Variants in MYO10 observed in about 807,000 individuals in gnomAD.
MYO10 encodes myosin X.
Under a neutral mutation model 257.3 loss-of-function variants are expected in MYO10, and 133 were observed. The observed-to-expected ratio is 0.52, with a 90% CI of 0.45 to 0.60. The LOEUF is 0.60. MYO10 is among the 20% of genes least tolerant of loss of function. The pLI is 0.00. For missense variants in MYO10, 2,399 were observed against 2,635.7 expected, an observed-to-expected ratio of 0.91 and a Z score of 1.97; for synonymous variants, 1,104 against 1,028.6, an observed-to-expected ratio of 1.07 and a Z score of -1.40.
At chr5:16,790,773 A>C (rs927036697) in intron 4 of MYO10, among the ~76,000 whole-genome samples, 2 of 152,118 alleles carry the variant, frequency 1.3e-5, no homozygotes, top group South Asian at 2.1e-4. Context: ...ACACCATAAT[A>C]AACTAAACCC....
In MYO10 at chr5:16,663,324, AGTT is replaced by A. The variant is rs1175971411; in HGVS notation, c.*3365_*3367del. On this transcript the variant is annotated 3_prime_UTR_variant, in exon 41 of 41. Transcript: ENST00000513610. ...TGGAAAAAAGTAACATTTTACTTCTAGTTGTTTTTTTTTTTTTTTTTTTTTTTT... is the reference window on the plus strand; with the variant it reads ...TGGAAAAAAGTAACATTTTACTTCTAGTTTTTTTTTTTTTTTTTTTTTTTT... 5.9e-4 allele frequency: 36 copies of A among 61,496 alleles called. No homozygotes were observed. The highest frequency in any genetic ancestry group is 9.7e-4 in the South Asian group (2 of 2,054). 3.8% of individuals were successfully genotyped at this position (61,496 alleles called of 1,614,324 possible).
intron 38 of MYO10, 101 bp from the exon 39 acceptor site, chr5:16,671,079 C>T (rs1366397348): frequency 1.8e-6 from 2 of 1,126,384 alleles, no homozygotes; most frequent in African/African-American, 1.6e-5. Context: ...CTCTCAAACT[C>T]ACCTTCCCTG....
intron 19 of MYO10, among the ~76,000 whole-genome samples, chr5:16,733,244 A>G (rs1439306005): frequency 6.6e-6 from 1 of 152,216 alleles, no homozygotes; most frequent in Non-Finnish European, 1.5e-5. Context: ...AAAGACCACA[A>G]GGTCATCAGA....
intron 2 of MYO10, among the ~76,000 whole-genome samples, chr5:16,839,473 G>A (rs1374615286): frequency 1.3e-5 from 2 of 152,218 alleles, no homozygotes; most frequent in African/African-American, 4.8e-5. Context: ...GCCAGGTGCA[G>A]TGGCTCACAC....
chr5:16,671,691 TAAACAGAGTGAAA>T, intron 37 of MYO10, 149 bp from the exon 38 acceptor site: 1 of 1,017,746 alleles, frequency 9.8e-7, no homozygotes, highest in East Asian at 2.6e-5. Context: ...GATAGAGGAA[TAAACAGAGTGAAA>T]AAACGTACTT....
intron 2 of MYO10, among the ~76,000 whole-genome samples, chr5:16,841,856 G>A (rs189830448): frequency 6.6e-6 from 1 of 152,244 alleles, no homozygotes; most frequent in African/African-American, 2.4e-5. Context: ...GGACTCTGGA[G>A]GGCTCGAGGG....
Position 16,777,839 on chromosome 5 carries a change from C to CCTTTTTTTTTTTTTTTTT in MYO10, c.930+1705_930+1706insAAAAAAAAAAAAAAAAAG, listed in dbSNP as rs1560979466. Among the ~76,000 whole-genome samples the CCTTTTTTTTTTTTTTTTT allele has an allele frequency of 6.3e-4, 56 of 88,472 alleles. 6 individuals carry two copies. The highest frequency in any genetic ancestry group is 1.4e-3 in the African/African-American group (26 of 18,648). 58.0% of individuals were successfully genotyped at this position (88,472 alleles called of 152,430 possible). On this transcript the variant is annotated intron_variant, in intron 9 of 40. Transcript: ENST00000513610. ...GCCACCCTAGGTGCATTGCATCTAA[C>CCTTTTTTTTTTTTTTTTT]TTTTTTTTTTTTTTTTTTTTTTTTT...
At chr5:16,878,241 T>C (rs1744660388) in intron 1 of MYO10, among the ~76,000 whole-genome samples, 1 of 152,192 alleles carries the variant, frequency 6.6e-6, no homozygotes, top group African/African-American at 2.4e-5. Flanking sequence ...TGGAGGACAT[T>C]AGACCACTCC....
intron 3 of MYO10, among the ~76,000 whole-genome samples, chr5:16,815,997 G>A (rs995370834): frequency 1.3e-5 from 2 of 150,272 alleles, no homozygotes; most frequent in Non-Finnish European, 2.9e-5. Context: ...AAAACATTTG[G>A]CAAACATTAG....
intron 2 of MYO10, among the ~76,000 whole-genome samples, chr5:16,860,760 G>GTGGAGGGGTGGATGGACGGA (rs372198986): frequency 0.022 from 3,397 of 151,958 alleles, 121 homozygotes; most frequent in African/African-American, 0.076. Flanking sequence ...CGATGGGTGG[G>GTGGAGGGGTGGATGGACGGA]TGGAGGGGTG....
intron 2 of MYO10, among the ~76,000 whole-genome samples, chr5:16,834,234 G>A (rs1200539745): frequency 6.6e-6 from 1 of 152,082 alleles, no homozygotes; most frequent in African/African-American, 2.4e-5. Flanking sequence ...AAACCTCTCA[G>A]GTCACTTACA....
intron 3 of MYO10, chr5:16,815,238 G>C (rs1742569005): frequency 4.0e-6 from 2 of 496,120 alleles, no homozygotes. Flanking sequence ...AGCATCCCTT[G>C]TGTGAAATGC....
rs888689382 is a variant in MYO10, at chr5:16,890,408, A to T, written c.22-12701T>A. On this transcript the variant is annotated intron_variant, in intron 1 of 40. Transcript: ENST00000513610. ...GTAAATACCCCAGAGACGTGAAAAC[A>T]TATGTCCACACGAAAACTTGTACAC... is the stretch of plus-strand genomic sequence containing the variant. Among the ~76,000 whole-genome samples, 10 of 151,904 alleles carry T rather than the reference A, an allele frequency of 6.6e-5. 1 individual carries two copies. Among genetic ancestry groups the T allele is most frequent in the African/African-American group, 2.4e-4 (10 of 41,150 alleles).
intron 2 of MYO10, among the ~76,000 whole-genome samples, chr5:16,847,823 C>T (rs1367734050): frequency 3.9e-5 from 6 of 152,150 alleles, no homozygotes; most frequent in Non-Finnish European, 7.3e-5. Context: ...GAGTTTGAGG[C>T]TGTAGTGCTT....
chr5:16,844,053 A>G (rs1350390200), intron 2 of MYO10, among the ~76,000 whole-genome samples: 1 of 152,242 alleles, frequency 6.6e-6, no homozygotes, highest in East Asian at 1.9e-4. Context: ...CCCGTCACTC[A>G]TGAATCAGCT....
At chr5:16,781,071 T>A (rs1263799558) in intron 6 of MYO10, among the ~76,000 whole-genome samples, 4 of 149,936 alleles carry the variant, frequency 2.7e-5, no homozygotes, top group Non-Finnish European at 5.9e-5. Flanking sequence ...GGTTCTTTAT[T>A]TCACAGAATT....
At chr5:16,886,579 C>T (rs1744902850) in intron 1 of MYO10, among the ~76,000 whole-genome samples, 1 of 152,144 alleles carries the variant, frequency 6.6e-6, no homozygotes, top group South Asian at 2.1e-4. Context: ...TAGCTTTCAG[C>T]TACATCATCA....
At chr5:16,697,697 C>CAA (rs57222789) in intron 26 of MYO10, among the ~76,000 whole-genome samples, 151 of 133,622 alleles carry the variant, frequency 1.1e-3, no homozygotes, top group African/African-American at 3.0e-3. Flanking sequence ...GATCCTGTCT[C>CAA]AAAAAAAAAA....
chr5:16,671,061 G>A, intron 38 of MYO10, 83 bp from the exon 39 acceptor site: 1 of 1,271,984 alleles, frequency 7.9e-7, no homozygotes. Flanking sequence ...CTCACTTCAT[G>A]AGGGTTTCTC....
Sources: allele counts gnomAD v4.1 joint callset (sites outside exome capture counted in the v4.1 genomes callset), GRCh38; gene constraint gnomAD v4.1.1; transcripts MANE v1.5; gene names NCBI Gene and HGNC (gene_info 2026-07-23, HGNC 2026-07-21).